ADGRD1: variants seen among roughly 807,000 people sequenced by gnomAD.
ADGRD1 encodes the protein adhesion G protein-coupled receptor D1.
A neutral mutation model predicts 113.4 loss-of-function variants in ADGRD1; 77 were observed. The observed-to-expected ratio is 0.68, with a 90% confidence interval of 0.57 to 0.82. The LOEUF is 0.82. ADGRD1 is among the 40% of genes least tolerant of loss of function. The probability of loss-of-function intolerance (pLI) is 0.00; values close to 1 mark genes in which losing one functional copy is unlikely to be tolerated. For synonymous variants in ADGRD1, 474 were observed against 475.0 expected (o/e 1.00, Z 0.03); for missense variants, 1,036 against 1,139.1 (o/e 0.91, Z 1.30).
intron 2 of ADGRD1, among the ~76,000 whole-genome samples, chr12:130,955,215 T>A (rs11615727): frequency 6.7e-6 from 1 of 150,088 alleles, no homozygotes; most frequent in Non-Finnish European, 1.5e-5. Context: ...TCCGCCCGCC[T>A]TGGCCTCCCA....
At chr12:131,134,142 G>A (rs865879665) in intron 21 of ADGRD1, among the ~76,000 whole-genome samples, 3 of 152,228 alleles carry the variant, frequency 2.0e-5, no homozygotes, top group Admixed American at 1.3e-4. Context: ...CCCTGGGGGC[G>A]GGGGCGTGAG....
rs1448511191 is a variant in ADGRD1, at chr12:130,997,390, G to T, written c.967-2993G>T. Among the ~76,000 whole-genome samples the T allele has an allele frequency of 3.5e-5, 4 of 112,806 alleles. No individual in the cohort carries two copies. In the East Asian group the frequency reaches 9.6e-4, roughly 27 times the overall value. 74.0% of individuals were successfully genotyped at this position (112,806 alleles called of 152,430 possible). On this transcript the variant is annotated intron_variant, in intron 8 of 24. Transcript: ENST00000261654. ...GACGGGGTGGCTGCCGGGCGGAGGGGCTCCTCACTTCTCAGACGGGGCGGC... is the reference window on the plus strand; with the variant it reads ...GACGGGGTGGCTGCCGGGCGGAGGGTCTCCTCACTTCTCAGACGGGGCGGC...
chr12:130,982,159 C>T, intron 5 of ADGRD1, 96 bp downstream of exon 5: 1 of 1,096,074 alleles, frequency 9.1e-7, no homozygotes, highest in Non-Finnish European at 1.3e-6. Flanking sequence ...CCAAGGAGCC[C>T]AGGGATGCTG....
rs944294741 is a variant in ADGRD1 at position 130,966,390 on chromosome 12, G to A, written c.104-73G>A. 2.2e-6 allele frequency: 2 copies of A among 896,536 alleles called. No homozygotes were observed. The highest frequency in any genetic ancestry group is 3.3e-5 in the African/African-American group (2 of 61,202). 55.5% of individuals were successfully genotyped at this position (896,536 alleles called of 1,614,324 possible). A position where few individuals can be genotyped will look rare whatever the true frequency, so the allele number is the denominator to read the frequency against. ...TTTACTCTTCCCCCATAATGTGTGT[G>A]CTAAGCGGTTCTTACCCTCTGGTTC... On this transcript the variant is annotated intron_variant, in intron 2 of 24. Transcript: ENST00000261654. The surrounding 1 kb of genome is among the most constrained non-coding windows in gnomAD (Gnocchi z 4.6).
chr12:131,101,971 CT>C (rs2137309047), intron 15 of ADGRD1, among the ~76,000 whole-genome samples: 1 of 152,314 alleles, frequency 6.6e-6, no homozygotes, highest in Non-Finnish European at 1.5e-5. Flanking sequence ...GTCATTGGGT[CT>C]CTTCCCTTCC....
At chr12:130,983,636 T>C (rs1245063788) in intron 5 of ADGRD1, among the ~76,000 whole-genome samples, 1 of 152,178 alleles carries the variant, frequency 6.6e-6, no homozygotes, top group Non-Finnish European at 1.5e-5. Context: ...CTTTTGTGCA[T>C]TGAAGGCGTT....
At chr12:131,005,174 T>G (rs1876923341) in intron 11 of ADGRD1, among the ~76,000 whole-genome samples, 1 of 152,166 alleles carries the variant, frequency 6.6e-6, no homozygotes, top group Non-Finnish European at 1.5e-5. Flanking sequence ...TGCCCTGTCC[T>G]CAACTAGCAT....
intron 2 of ADGRD1, among the ~76,000 whole-genome samples, chr12:130,964,582 G>A (rs1468810359): frequency 3.9e-5 from 6 of 152,204 alleles, no homozygotes; most frequent in Admixed American, 6.5e-5. Flanking sequence ...CTACTTGGGA[G>A]GCTGAGGCAG....
Position 131,136,164 on chromosome 12 carries a change from G to T in ADGRD1, c.2394+1G>T. On this transcript the variant is annotated splice_donor_variant, in intron 22 of 24. Coordinates refer to ENST00000261654, the MANE Select transcript of ADGRD1 (RefSeq NM_198827.5). LOFTEE classifies it high-confidence loss of function. ...GTTTGCCACGCTCAACTCCCTGCAG[G>T]TGAGAGCCGCGGGGACTGGCGGGGA... 1 of 1,614,024 alleles carries T rather than the reference G, an allele frequency of 6.2e-7. No individual in the cohort carries two copies. The highest frequency in any genetic ancestry group is 8.5e-7 in the Non-Finnish European group (1 of 1,179,968).
intron 15 of ADGRD1, among the ~76,000 whole-genome samples, chr12:131,101,373 CTTTCTTTTTTTTTTTTT>C (rs1484092026): frequency 5.0e-5 from 4 of 79,354 alleles, no homozygotes; most frequent in Non-Finnish European, 9.5e-5. Context: ...CTTTTTCTTT[CTTTCTTTTTTTTTTTTT>C]TTTTTTTTTT....
chr12:130,981,984 C>T lies in ADGRD1; in HGVS notation c.411C>T (p.Cys137=). The T allele has an allele frequency of 6.2e-7, 1 of 1,613,970 alleles. No individual in the cohort carries two copies. Among genetic ancestry groups the T allele is most frequent in the South Asian group, 1.1e-5 (1 of 91,068 alleles). The change falls in exon 5 of 25, where the codon TGC becomes TGT. Residue 137 remains cysteine (C), a synonymous_variant. Transcript: ENST00000261654. ...GQVISNGFKV[C]SSGGRGSVEL... Reference sequence around the variant, plus strand: ...TCATCTCCAATGGGTTCAAAGTCTGCTCCAGCGGTGGCAGAGGCTCTGTGG... The same window carrying T: ...TCATCTCCAATGGGTTCAAAGTCTGTTCCAGCGGTGGCAGAGGCTCTGTGG...
chr12:131,034,407 G>A (rs1231270503), intron 13 of ADGRD1, among the ~76,000 whole-genome samples: 1 of 152,234 alleles, frequency 6.6e-6, no homozygotes, highest in East Asian at 1.9e-4. Context: ...GCCCAGCCTC[G>A]CCAGCCACTC....
At chr12:131,117,492 A>G (rs111254913) in intron 18 of ADGRD1, among the ~76,000 whole-genome samples, 46 of 152,200 alleles carry the variant, frequency 3.0e-4, no homozygotes, top group African/African-American at 8.4e-4. Flanking sequence ...CTGGACCCCA[A>G]GCTCACTGAC....
chr12:131,011,748 T>G (rs552636463), intron 12 of ADGRD1, among the ~76,000 whole-genome samples: 1 of 152,312 alleles, frequency 6.6e-6, no homozygotes, highest in Non-Finnish European at 1.5e-5. Context: ...GCAACGTGGT[T>G]TTTCCAGCGC....
rs545411666 is a variant in ADGRD1 at position 131,057,993 on chromosome 12, C to A, written c.1474-18808C>A. On this transcript the variant is annotated intron_variant, in intron 13 of 24. Transcript: ENST00000261654. This position sits in a 1 kb window ranked among gnomAD's most constrained non-coding sequence, Gnocchi z 4.2. ...GGAGAATGAGCTTCTGTTATTTTAA[C>A]CTTTGTAACTTTATTGGGAAATAAG... is the stretch of plus-strand genomic sequence containing the variant. Among the ~76,000 whole-genome samples the A allele has an allele frequency of 3.9e-5, 6 of 152,256 alleles. No homozygotes were observed. In the South Asian group the frequency reaches 1.2e-3, roughly 32 times the overall value.
intron 13 of ADGRD1, among the ~76,000 whole-genome samples, chr12:131,015,191 T>C (rs1395375921): frequency 6.6e-6 from 1 of 152,252 alleles, no homozygotes; most frequent in East Asian, 1.9e-4. Context: ...TTCTGTTCTT[T>C]CCAGGGTGAC....
chr12:130,984,047 A>G lies in ADGRD1; in HGVS notation c.490+1984A>G, dbSNP rs1334996591. Among the ~76,000 whole-genome samples, 2 of 152,204 alleles carry G rather than the reference A, an allele frequency of 1.3e-5. No homozygotes were observed. Among genetic ancestry groups the G allele is most frequent in the Non-Finnish European group, 2.9e-5 (2 of 68,032 alleles). On this transcript the variant is annotated intron_variant, in intron 5 of 24. Transcript: ENST00000261654. The surrounding 1 kb of genome is among the most constrained non-coding windows in gnomAD (Gnocchi z 4.1). ...GTCTTCCCTCTACCAACTCACTCCC[A>G]TGTTGGTTAACATTATACGCCCTCG...
At position 131,003,468 on chromosome 12, in the gene ADGRD1, G is replaced by A. The variant is rs1876660592; in HGVS notation, c.1144+166G>A. Reference sequence around the variant, plus strand: ...AAGGAAAACCCGTGGTCAGATGAGGGCAGGTGTGTTCGGCCATGATATGCA... The same window carrying A: ...AAGGAAAACCCGTGGTCAGATGAGGACAGGTGTGTTCGGCCATGATATGCA... On this transcript the variant is annotated intron_variant, in intron 10 of 24. Coordinates refer to ENST00000261654, the MANE Select transcript of ADGRD1 (RefSeq NM_198827.5). This position sits in a 1 kb window ranked among gnomAD's most constrained non-coding sequence, Gnocchi z 4.8. 6.6e-6 allele frequency among the ~76,000 whole-genome samples: 1 copy of A among 152,216 alleles called. No homozygotes were observed. Among genetic ancestry groups the A allele is most frequent in the Non-Finnish European group, 1.5e-5 (1 of 68,044 alleles).
intron 2 of ADGRD1, among the ~76,000 whole-genome samples, chr12:130,956,114 A>C (rs1869549499): frequency 1.3e-5 from 2 of 152,186 alleles, no homozygotes; most frequent in African/African-American, 4.8e-5. Flanking sequence ...ATGATCAACC[A>C]CAAATGGACT....
Sources: allele counts gnomAD v4.1 joint callset (sites outside exome capture counted in the v4.1 genomes callset), GRCh38; gene constraint gnomAD v4.1.1; non-coding constraint Gnocchi (gnomAD v3.1); transcripts MANE v1.5; gene names NCBI Gene and HGNC (gene_info 2026-07-23, HGNC 2026-07-21).